TRIM2: variants seen among roughly 807,000 people sequenced by gnomAD.
The protein encoded by TRIM2 is tripartite motif containing 2, also known as tripartite motif-containing protein 2.
A neutral mutation model predicts 75.2 loss-of-function variants in TRIM2; 20 were observed. That is an observed-to-expected ratio of 0.27 (90% CI 0.19 to 0.39). TRIM2 has a LOEUF of 0.39. TRIM2 is among the 10% of genes least tolerant of loss of function. The pLI, the probability that TRIM2 is intolerant of heterozygous loss-of-function variation, is 1.00. For missense variants in TRIM2, 660 were observed against 990.8 expected, an observed-to-expected ratio of 0.67 and a Z score of 4.48; for synonymous variants, 373 against 388.3, an observed-to-expected ratio of 0.96 and a Z score of 0.46.
At chr4:153,277,952 A>G (rs1758390163) in intron 3 of TRIM2, among the ~76,000 whole-genome samples, 1 of 152,348 alleles carries the variant, frequency 6.6e-6, no homozygotes, top group Non-Finnish European at 1.5e-5. Context: ...GAGGCTGTCT[A>G]TGCCTGGAGC....
intron 6 of TRIM2, among the ~76,000 whole-genome samples, chr4:153,301,735 A>G (rs1031098653): frequency 1.3e-5 from 2 of 152,172 alleles, no homozygotes; most frequent in Admixed American, 6.5e-5. Flanking sequence ...AGCACCATTT[A>G]TTGAAGAGAC....
chr4:153,189,520 G>A (rs1334451993), intron 1 of TRIM2, among the ~76,000 whole-genome samples: 2 of 152,156 alleles, frequency 1.3e-5, no homozygotes, highest in Non-Finnish European at 2.9e-5. Context: ...TGGCTGTGAG[G>A]CACTAGAATG....
chr4:153,224,234 C>A (rs972349553), intron 1 of TRIM2, among the ~76,000 whole-genome samples: 2 of 152,210 alleles, frequency 1.3e-5, no homozygotes, highest in Non-Finnish European at 1.5e-5. Context: ...TGATTAAATT[C>A]TTTGTGATAC....
intron 1 of TRIM2, among the ~76,000 whole-genome samples, chr4:153,192,781 A>T (rs1325165022): frequency 1.3e-5 from 2 of 152,086 alleles, no homozygotes; most frequent in Non-Finnish European, 2.9e-5. Flanking sequence ...ACTACCAAGG[A>T]TGCTGTTTTC....
At chr4:153,243,018 G>A (rs1332957966) in intron 1 of TRIM2, among the ~76,000 whole-genome samples, 1 of 152,238 alleles carries the variant, frequency 6.6e-6, no homozygotes, top group Non-Finnish European at 1.5e-5. Context: ...CTAGAGAAAG[G>A]ATTTCATGGC....
intron 1 of TRIM2, among the ~76,000 whole-genome samples, chr4:153,255,118 T>C (rs959204220): frequency 5.9e-5 from 9 of 152,162 alleles, no homozygotes; most frequent in Non-Finnish European, 1.3e-4. Context: ...TGCATTGCAA[T>C]TGCTTGCTTA....
At chr4:153,153,770 C>T (rs1728958462) in intron 1 of TRIM2, among the ~76,000 whole-genome samples, 1 of 152,178 alleles carries the variant, frequency 6.6e-6, no homozygotes, top group Non-Finnish European at 1.5e-5. Flanking sequence ...GCGCGCATCG[C>T]TGAGTCCGGG....
At chr4:153,264,903 G>A (rs1426707484) in intron 1 of TRIM2, among the ~76,000 whole-genome samples, 2 of 152,166 alleles carry the variant, frequency 1.3e-5, no homozygotes, top group African/African-American at 2.4e-5. Context: ...CAGGTCACTT[G>A]TGACAGATCT....
upstream of TRIM2, among the ~76,000 whole-genome samples, chr4:153,201,230 C>T (rs1734333778): frequency 6.6e-6 from 1 of 152,178 alleles, no homozygotes; most frequent in Non-Finnish European, 1.5e-5. Context: ...TCCCAAAGTG[C>T]TGGGATTACA....
intron 1 of TRIM2, 149 bp downstream of exon 1, chr4:153,204,709 C>A: frequency 9.1e-7 from 1 of 1,098,578 alleles, no homozygotes; most frequent in Non-Finnish European, 1.3e-6. Context: ...CTGGGATTTG[C>A]TGACAAAGCT....
chr4:153,295,894 C>T lies in TRIM2; in HGVS notation c.1368C>T (p.Pro456=), dbSNP rs1295920622. ...TGATCCGATCCGCTGATGTGTCTCC[C>T]ACCACAGAAGGCGTGAAGAGGCGCG... ...LKVIRSADVS[P]TTEGVKRRVK... Residue 456 remains proline (P), a synonymous_variant, in exon 6 of 12, where the codon CCC becomes CCT. Transcript: ENST00000338700. This position sits in a 1 kb window ranked among gnomAD's most constrained non-coding sequence, Gnocchi z 7.2. 2.5e-6 allele frequency: 4 copies of T among 1,613,338 alleles called. No homozygotes were observed. Among genetic ancestry groups the T allele is most frequent in the African/African-American group, 1.3e-5 (1 of 75,018 alleles).
chr4:153,299,665 C>T (rs1478045956), intron 6 of TRIM2, among the ~76,000 whole-genome samples: 6 of 152,134 alleles, frequency 3.9e-5, no homozygotes, highest in East Asian at 1.9e-4. Context: ...CAGTTTTAAT[C>T]GGTAGTTCAC....
intron 1 of TRIM2, among the ~76,000 whole-genome samples, chr4:153,256,790 C>A (rs944591359): frequency 6.6e-6 from 1 of 152,126 alleles, no homozygotes; most frequent in African/African-American, 2.4e-5. Flanking sequence ...ATCATTAGAA[C>A]CACAAAAAGC....
chr4:153,266,344 G>GTTTT lies in TRIM2; in HGVS notation c.31-3977_31-3974dup, dbSNP rs768231926. On this transcript the variant is annotated intron_variant, in intron 1 of 11. Transcript: ENST00000338700. ...GCCACCATGCCTGGCTAATTTTTGG[G>GTTTT]TTTTTTTTTTTTTTTTTGAGACGGA... 8.0e-3 allele frequency among the ~76,000 whole-genome samples: 959 copies of GTTTT among 119,980 alleles called. 38 individuals are homozygous for GTTTT. The highest frequency in any genetic ancestry group is 0.062 in the Admixed American group (688 of 11,008). The allele number at this position is 119,980 out of a possible 152,430, so 78.7% of individuals were successfully genotyped here. A position where few individuals can be genotyped will look rare whatever the true frequency, so the allele number is the denominator to read the frequency against.
At chr4:153,257,453 T>A in intron 1 of TRIM2, 1 of 1,229,616 alleles carries the variant, frequency 8.1e-7, no homozygotes, top group South Asian at 1.4e-5. Flanking sequence ...CTGAAGGGGG[T>A]CTTCCACTTG....
intron 1 of TRIM2, among the ~76,000 whole-genome samples, chr4:153,161,303 G>T (rs1407225854): frequency 6.6e-6 from 1 of 152,234 alleles, no homozygotes; most frequent in African/African-American, 2.4e-5. Flanking sequence ...CTTTGTGCTA[G>T]AAAGAACCTC....
At chr4:153,174,803 G>A (rs965772540) in intron 1 of TRIM2, among the ~76,000 whole-genome samples, 2 of 152,218 alleles carry the variant, frequency 1.3e-5, no homozygotes, top group Non-Finnish European at 2.9e-5. Flanking sequence ...ATAAAGACAG[G>A]TGAGAGGAAA....
At chr4:153,224,767 T>C (rs959729585) in intron 1 of TRIM2, among the ~76,000 whole-genome samples, 2 of 152,264 alleles carry the variant, frequency 1.3e-5, no homozygotes, top group African/African-American at 4.8e-5. Flanking sequence ...ATCATTTTAA[T>C]GCTGACTTGC....
chr4:153,338,693 T>C lies in TRIM2; in HGVS notation c.*3727T>C, dbSNP rs1259751407. 4 of 985,680 alleles carry C rather than the reference T, an allele frequency of 4.1e-6. No individual in the cohort carries two copies. The African/African-American group carries it at 5.2e-5, about 13-fold the overall frequency. 61.1% of individuals were successfully genotyped at this position (985,680 alleles called of 1,614,324 possible). ...GCTTAAAAACTTTCTAAAGATGAAT[T>C]GTGTGGCAGTGATTGGTCTGTTTGT... On this transcript the variant is annotated 3_prime_UTR_variant, in exon 12 of 12. Coordinates refer to ENST00000338700, the MANE Select transcript of TRIM2 (RefSeq NM_015271.5).
Sources: allele counts gnomAD v4.1 joint callset (sites outside exome capture counted in the v4.1 genomes callset), GRCh38; gene constraint gnomAD v4.1.1; non-coding constraint Gnocchi (gnomAD v3.1); transcripts MANE v1.5; gene names NCBI Gene and HGNC (gene_info 2026-07-23, HGNC 2026-07-21).